Variants in GREB1 observed in about 807,000 individuals in gnomAD.
GREB1 encodes the protein growth regulating estrogen receptor binding 1.
A neutral mutation model predicts 200.7 loss-of-function variants in GREB1; 106 were observed. That is an observed-to-expected ratio of 0.53 (90% CI 0.45 to 0.62). The LOEUF (loss-of-function observed/expected upper bound fraction) is 0.62, where lower values mean the gene tolerates loss of function less well. Among genes scored for constraint, GREB1 ranks in the 20% least tolerant of loss-of-function variants. The pLI, the probability that GREB1 is intolerant of heterozygous loss-of-function variation, is 0.00. For missense variants in GREB1, 2,243 were observed against 2,556.8 expected, an observed-to-expected ratio of 0.88 and a Z score of 2.65; for synonymous variants, 1,132 against 1,092.4, an observed-to-expected ratio of 1.04 and a Z score of -0.72.
At position 11,638,767 on chromosome 2, in the gene GREB1, T is replaced by C; in HGVS notation, c.5644T>C (p.Phe1882Leu). 2 of 1,614,202 alleles carry C rather than the reference T, an allele frequency of 1.2e-6. No individual in the cohort carries two copies. Among genetic ancestry groups the C allele is most frequent in the Non-Finnish European group, 1.7e-6 (2 of 1,180,028 alleles). The change falls in exon 32 of 33, where the codon TTT (phenylalanine) becomes CTT (leucine). Residue 1882 changes from phenylalanine to leucine, a missense_variant. Around this residue, in one of 3 missense-constraint regions of GREB1, gnomAD observed 478 missense variants for 616.3 expected, o/e 0.78. Coordinates refer to ENST00000381486, the MANE Select transcript of GREB1 (RefSeq NM_014668.4). ...GCTGCTGCTGTACCTCTGTGACTCTTTTGTGGGAGCTAGCTTTTTGAAAAA... is the reference window on the plus strand; with the variant it reads ...GCTGCTGCTGTACCTCTGTGACTCTCTTGTGGGAGCTAGCTTTTTGAAAAA... ...SGLLLYLCDS[F>L]VGASFLKKFH...
intron 1 of GREB1, among the ~76,000 whole-genome samples, chr2:11,509,526 G>A (rs2082829): frequency 1 from 151,601 of 152,274 alleles, 75,475 homozygotes; most frequent in Middle Eastern, 1. Context: ...AAACATTAAC[G>A]GTAATTCCTT....
rs1048170843 is a variant in GREB1, at chr2:11,595,355, G to A, written c.1801G>A (p.Ala601Thr). ...LVTGKVDSLGAFFSTLCPEGD... is the reference protein window; with the variant it reads ...LVTGKVDSLGTFFSTLCPEGD... ...TACGGGGAAGGTAGACTCGCTGGGG[G>A]CCTTCTTTAGCACCCTCTGTCCAGG... The change falls in exon 12 of 33, where the codon GCC becomes ACC. Residue 601 changes from alanine (A) to threonine (T), a missense_variant. Transcript: ENST00000381486. 2 of 1,613,720 alleles carry A rather than the reference G, an allele frequency of 1.2e-6. No homozygotes were observed. Among genetic ancestry groups the A allele is most frequent in the Non-Finnish European group, 1.7e-6 (2 of 1,179,778 alleles).
chr2:11,554,758 G>T (rs1303732588), intron 1 of GREB1, among the ~76,000 whole-genome samples: 1 of 152,190 alleles, frequency 6.6e-6, no homozygotes, highest in African/African-American at 2.4e-5. Context: ...CCCTTGTAGA[G>T]TTTACGAATG....
chr2:11,638,946 A>G (rs1685598135), intron 32 of GREB1, 137 bp downstream of exon 32: 3 of 865,448 alleles, frequency 3.5e-6, no homozygotes, highest in Non-Finnish European at 5.3e-6. Flanking sequence ...TGACTGCCTC[A>G]GCCACCCAGG....
intron 1 of GREB1, among the ~76,000 whole-genome samples, chr2:11,552,885 C>T (rs964330104): frequency 6.6e-6 from 1 of 151,840 alleles, no homozygotes; most frequent in Non-Finnish European, 1.5e-5. Context: ...TGGCGCACGC[C>T]TGTAGTCCCA....
At chr2:11,574,936 C>T (rs762148103) in intron 4 of GREB1, among the ~76,000 whole-genome samples, 1 of 152,328 alleles carries the variant, frequency 6.6e-6, no homozygotes, top group African/African-American at 2.4e-5. Flanking sequence ...TGTCCTATGG[C>T]GAGGCCAAGA....
chr2:11,499,024 TG>T (rs951459803), intron 1 of GREB1, among the ~76,000 whole-genome samples: 1 of 151,968 alleles, frequency 6.6e-6, no homozygotes, highest in Non-Finnish European at 1.5e-5. Flanking sequence ...TTCCTGGTGG[TG>T]GGGGGGTGGA....
chr2:11,582,915 A>G (rs1053779444), intron 7 of GREB1, among the ~76,000 whole-genome samples: 1 of 152,146 alleles, frequency 6.6e-6, no homozygotes, highest in African/African-American at 2.4e-5. Flanking sequence ...GGGGTAGGAA[A>G]TGTTCTGGTA....
intron 14 of GREB1, 76 bp from the exon 15 acceptor site, chr2:11,598,604 T>A: frequency 7.5e-7 from 1 of 1,331,788 alleles, no homozygotes; most frequent in Non-Finnish European, 1.1e-6. Flanking sequence ...TAGGAGTCGC[T>A]CCTCAGGTGT....
intron 1 of GREB1, among the ~76,000 whole-genome samples, chr2:11,546,963 T>G (rs1370809057): frequency 9.1e-6 from 1 of 109,878 alleles, no homozygotes; most frequent in East Asian, 3.0e-4. Context: ...TTTTTTTTTT[T>G]GAGATGGCTT....
Position 11,642,739 on chromosome 2 carries a change from T to A in GREB1, c.*2285T>A, listed in dbSNP as rs1685883981. 1 of 152,212 alleles carries A rather than the reference T, an allele frequency of 6.6e-6. No homozygotes were observed. The highest frequency in any genetic ancestry group is 1.5e-5 in the Non-Finnish European group (1 of 68,048). The allele number at this position is 152,212 out of a possible 1,614,324, so 9.4% of individuals were successfully genotyped here. A position where few individuals can be genotyped will look rare whatever the true frequency, so the allele number is the denominator to read the frequency against. ...TTTAAATTGGAAAAAACCCTCAAACTAATATTCTTGTCTGTTCCAGTCTTA... is the reference window on the plus strand; with the variant it reads ...TTTAAATTGGAAAAAACCCTCAAACAAATATTCTTGTCTGTTCCAGTCTTA... On this transcript the variant is annotated 3_prime_UTR_variant, in exon 33 of 33. Transcript: ENST00000381486.
chr2:11,485,289 TTGAGACAGAGTCTTGCTC>T (rs1672629869), intron 1 of GREB1, among the ~76,000 whole-genome samples: 1 of 95,612 alleles, frequency 1.0e-5, no homozygotes, highest in African/African-American at 3.8e-5. Flanking sequence ...TTTTTTTTTT[TTGAGACAGAGTCTTGCTC>T]TTTTACCCAG....
At chr2:11,497,863 A>G (rs1672928712) in intron 1 of GREB1, among the ~76,000 whole-genome samples, 1 of 150,276 alleles carries the variant, frequency 6.7e-6, no homozygotes, top group South Asian at 2.1e-4. Flanking sequence ...TTTAAAATAT[A>G]TATATTCTAA....
upstream of GREB1, among the ~76,000 whole-genome samples, chr2:11,529,942 A>G (rs1476272404): frequency 6.6e-6 from 1 of 152,220 alleles, no homozygotes; most frequent in Non-Finnish European, 1.5e-5. Flanking sequence ...AGTTAAATGA[A>G]AATTAAGTTA....
Position 11,588,929 on chromosome 2 carries a change from T to G in GREB1, c.1343T>G (p.Leu448Arg). 1 of 1,613,406 alleles carries G rather than the reference T, an allele frequency of 6.2e-7. No homozygotes were observed. The highest frequency in any genetic ancestry group is 8.5e-7 in the Non-Finnish European group (1 of 1,179,462). ...LLLTVYYLVQLAADQVPLMED... is the reference protein window; with the variant it reads ...LLLTVYYLVQRAADQVPLMED... ...CTTACCGTCTACTACCTGGTCCAGC[T>G]GGGTGAGTCACCTCCACCTCCTGGC... Residue 448 changes from leucine to arginine, a missense_variant and splice_region_variant, in exon 10 of 33, where the codon CTG becomes CGG. Physicochemically the swap from Leu to Arg is moderately radical, Grantham distance 102. This residue lies in a region of GREB1 where 1,178 missense variants were observed against 1,387.4 expected (regional missense o/e 0.85). Coordinates refer to ENST00000381486, the MANE Select transcript of GREB1 (RefSeq NM_014668.4).
intron 11 of GREB1, among the ~76,000 whole-genome samples, chr2:11,594,362 C>CTTT: frequency 6.7e-6 from 1 of 148,338 alleles, no homozygotes. Context: ...CATTTTTTTT[C>CTTT]TTTTTTTTTT....
chr2:11,604,104 A>G (rs949498869), intron 17 of GREB1, among the ~76,000 whole-genome samples: 1 of 152,172 alleles, frequency 6.6e-6, no homozygotes, highest in African/African-American at 2.4e-5. Flanking sequence ...TTTACCCTCT[A>G]TCAGTTTTAA....
intron 26 of GREB1, among the ~76,000 whole-genome samples, chr2:11,630,971 G>C (rs180809394): frequency 6.6e-6 from 1 of 152,324 alleles, no homozygotes; most frequent in African/African-American, 2.4e-5. Context: ...CTGGCAGCCT[G>C]TTATTAAGCA....
chr2:11,614,213 G>A (rs1683192937), intron 19 of GREB1, among the ~76,000 whole-genome samples: 1 of 147,104 alleles, frequency 6.8e-6, no homozygotes. Context: ...TGCAGACTCC[G>A]CCTCCTGGGT....
Sources: gnomAD v4.1 joint callset for allele counts (sites outside exome capture counted in the v4.1 genomes callset) on GRCh38, gnomAD v4.1.1 for gene constraint, gnomAD v4.1.1 regional missense constraint, MANE v1.5 for transcripts, NCBI Gene and HGNC (gene_info 2026-07-23, HGNC 2026-07-21) for gene names.